UBE2E1: variants seen among roughly 807,000 people sequenced by gnomAD.
UBE2E1 encodes the protein ubiquitin-conjugating enzyme E2 E1.
A neutral mutation model predicts 21.4 loss-of-function variants in UBE2E1; 6 were observed. The ratio of observed to expected loss-of-function variants is 0.28; its 90% CI spans 0.15 to 0.55. The LOEUF (loss-of-function observed/expected upper bound fraction) is 0.55, where lower values mean the gene tolerates loss of function less well. Ranked by LOEUF, UBE2E1 falls within the 20% of genes least tolerant of loss-of-function variation. The probability of loss-of-function intolerance (pLI) is 0.93; values close to 1 mark genes in which losing one functional copy is unlikely to be tolerated. For synonymous variants in UBE2E1, 87 were observed against 82.7 expected (o/e 1.05, Z -0.28); for missense variants, 142 against 236.5 (o/e 0.60, Z 2.62).
At chr3:23,827,899 T>A (rs1430874481) in intron 3 of UBE2E1, among the ~76,000 whole-genome samples, 1 of 152,178 alleles carries the variant, frequency 6.6e-6, no homozygotes, top group Non-Finnish European at 1.5e-5. Flanking sequence ...CCAGCTTTTA[T>A]ATTTCCATCT....
At chr3:23,883,315 T>A (rs1701098111) in intron 3 of UBE2E1, among the ~76,000 whole-genome samples, 1 of 151,848 alleles carries the variant, frequency 6.6e-6, no homozygotes, top group East Asian at 1.9e-4. Flanking sequence ...GCAAACCTGG[T>A]CAGTCATTTT....
At chr3:23,877,544 C>T (rs903019560) in intron 3 of UBE2E1, among the ~76,000 whole-genome samples, 3 of 152,140 alleles carry the variant, frequency 2.0e-5, no homozygotes, top group African/African-American at 4.8e-5. Context: ...ACCTCCCTCC[C>T]GTTTGTGGCA....
chr3:23,881,339 G>A (rs1009561555), intron 3 of UBE2E1, among the ~76,000 whole-genome samples: 1 of 152,130 alleles, frequency 6.6e-6, no homozygotes, highest in Non-Finnish European at 1.5e-5. Flanking sequence ...TGCCTTGTAT[G>A]TATTTGCTTA....
chr3:23,840,754 C>T (rs1041903336), intron 3 of UBE2E1, among the ~76,000 whole-genome samples: 5 of 152,116 alleles, frequency 3.3e-5, no homozygotes, highest in African/African-American at 7.2e-5. Context: ...AAATACTTGA[C>T]GGGACCCTCT....
rs1160889955 is a variant in UBE2E1, at chr3:23,823,138, C to T, written c.203+11628C>T. Among the ~76,000 whole-genome samples, 3 of 152,198 alleles carry T rather than the reference C, an allele frequency of 2.0e-5. No homozygotes were observed. The highest frequency in any genetic ancestry group is 7.2e-5 in the African/African-American group (3 of 41,464). Reference sequence around the variant, plus strand: ...GGGATTACAGGCATGAGCCTCTGCGCCCATCCTGTTTTTCATCCTTTTAAT... The same window carrying T: ...GGGATTACAGGCATGAGCCTCTGCGTCCATCCTGTTTTTCATCCTTTTAAT... On this transcript the variant is annotated intron_variant, in intron 3 of 5. Transcript: ENST00000306627. The surrounding 1 kb of genome is among the most constrained non-coding windows in gnomAD (Gnocchi z 4.2).
At chr3:23,880,252 G>A (rs996945299) in intron 3 of UBE2E1, among the ~76,000 whole-genome samples, 5 of 152,132 alleles carry the variant, frequency 3.3e-5, no homozygotes, top group African/African-American at 9.7e-5. Context: ...GTGTGGTGGC[G>A]GATGCCTGTA....
intron 3 of UBE2E1, among the ~76,000 whole-genome samples, chr3:23,858,140 T>TA (rs1700479347): frequency 6.6e-6 from 1 of 152,216 alleles, no homozygotes; most frequent in African/African-American, 2.4e-5. Context: ...CTATGGCAGA[T>TA]ACCACTTGGG....
intron 3 of UBE2E1, among the ~76,000 whole-genome samples, chr3:23,871,979 G>A (rs527886745): frequency 1.3e-5 from 2 of 152,092 alleles, no homozygotes; most frequent in East Asian, 3.9e-4. Context: ...GTGGCGGCTG[G>A]GCAGAGGCTG....
chr3:23,811,313 C>T lies in UBE2E1; in HGVS notation c.153-147C>T, dbSNP rs1699386036. ...AAAAGTTTTTTTCCTAAACTAGGGA[C>T]CTGAAGTTCTTGATGTGTAGTTCCT... On this transcript the variant is annotated intron_variant, in intron 2 of 5. Transcript: ENST00000306627. 5 of 716,346 alleles carry T rather than the reference C, an allele frequency of 7.0e-6. No individual in the cohort carries two copies. In the East Asian group the frequency reaches 7.9e-5, roughly 11 times the overall value. 44.4% of individuals were successfully genotyped at this position (716,346 alleles called of 1,614,324 possible).
chr3:23,835,669 C>T lies in UBE2E1; in HGVS notation c.203+24159C>T, dbSNP rs530659533. On this transcript the variant is annotated intron_variant, in intron 3 of 5. Coordinates refer to ENST00000306627, the MANE Select transcript of UBE2E1 (RefSeq NM_003341.5). ...TCTGGTAATTTCCAGGCTTTTATGA[C>T]ATATAATCATCAATTATTCAAAATA... 2.0e-5 allele frequency among the ~76,000 whole-genome samples: 3 copies of T among 152,248 alleles called. No homozygotes were observed. In the East Asian group the frequency reaches 5.8e-4, roughly 29 times the overall value.
intron 3 of UBE2E1, among the ~76,000 whole-genome samples, chr3:23,826,985 A>G (rs986752553): frequency 5.3e-5 from 8 of 152,164 alleles, no homozygotes; most frequent in Non-Finnish European, 1.0e-4. Context: ...CAGAAGGGTC[A>G]TTTGTCTTGC....
chr3:23,813,848 T>C, intron 3 of UBE2E1, among the ~76,000 whole-genome samples: 1 of 152,208 alleles, frequency 6.6e-6, no homozygotes, highest in East Asian at 1.9e-4. Flanking sequence ...GCCTTGGGGA[T>C]ACTTTTTGAA....
At chr3:23,841,039 C>G (rs1700074485) in intron 3 of UBE2E1, among the ~76,000 whole-genome samples, 1 of 152,114 alleles carries the variant, frequency 6.6e-6, no homozygotes, top group South Asian at 2.1e-4. Context: ...GCCCATGATA[C>G]TTTTTGTAAA....
At chr3:23,835,735 T>A (rs1699963159) in intron 3 of UBE2E1, among the ~76,000 whole-genome samples, 1 of 152,232 alleles carries the variant, frequency 6.6e-6, no homozygotes, top group African/African-American at 2.4e-5. Context: ...CTCCCCCCTT[T>A]TTTTAGACAT....
In UBE2E1 at chr3:23,887,129, G is replaced by A. The variant is rs983926475; in HGVS notation, c.204-438G>A. Among the ~76,000 whole-genome samples, 3 of 152,200 alleles carry A rather than the reference G, an allele frequency of 2.0e-5. No individual in the cohort carries two copies. The highest frequency in any genetic ancestry group is 4.4e-5 in the Non-Finnish European group (3 of 68,032). On this transcript the variant is annotated intron_variant, in intron 3 of 5. Coordinates refer to ENST00000306627, the MANE Select transcript of UBE2E1 (RefSeq NM_003341.5). The surrounding 1 kb of genome is among the most constrained non-coding windows in gnomAD (Gnocchi z 4.4). ...TAAAGGTGAGATTATGGAGATAGAAGAGCAAGGAAGAGCCAGTTAGTGGGT... is the reference window on the plus strand; with the variant it reads ...TAAAGGTGAGATTATGGAGATAGAAAAGCAAGGAAGAGCCAGTTAGTGGGT...
At chr3:23,862,722 T>C (rs186290492) in intron 3 of UBE2E1, among the ~76,000 whole-genome samples, 9 of 152,248 alleles carry the variant, frequency 5.9e-5, no homozygotes, top group South Asian at 2.1e-4. Flanking sequence ...TTCCGTCTTA[T>C]CTTTCTTATT....
chr3:23,807,556 T>G, intron 2 of UBE2E1, 135 bp downstream of exon 2: 1 of 1,099,630 alleles, frequency 9.1e-7, no homozygotes, highest in Non-Finnish European at 1.2e-6. Context: ...AGAAGGGCCT[T>G]GGAAGCCCTA....
At chr3:23,841,214 C>T (rs752042652) in intron 3 of UBE2E1, among the ~76,000 whole-genome samples, 3 of 152,142 alleles carry the variant, frequency 2.0e-5, no homozygotes, top group Non-Finnish European at 4.4e-5. Context: ...AAAAATTAAG[C>T]TCGTCTTAAA....
intron 3 of UBE2E1, among the ~76,000 whole-genome samples, chr3:23,886,279 TAATG>T (rs897100289): frequency 1.3e-5 from 2 of 152,224 alleles, no homozygotes; most frequent in African/African-American, 4.8e-5. Context: ...GAATTAATAA[TAATG>T]GTGATCACTG....
Sources: gnomAD v4.1 joint callset for allele counts (sites outside exome capture counted in the v4.1 genomes callset) on GRCh38, gnomAD v4.1.1 for gene constraint, Gnocchi (gnomAD v3.1) non-coding constraint, MANE v1.5 for transcripts, NCBI Gene and HGNC (gene_info 2026-07-23, HGNC 2026-07-21) for gene names.